The following ZNF189 variants were observed in gnomAD, a reference collection of about 807,000 sequenced individuals.
ZNF189 encodes zinc finger protein 189.
Under a neutral mutation model 53.5 loss-of-function variants are expected in ZNF189, and 33 were observed. The ratio of observed to expected loss-of-function variants is 0.62; its 90% CI spans 0.47 to 0.82. The LOEUF (loss-of-function observed/expected upper bound fraction) is 0.82. Among genes scored for constraint, ZNF189 ranks in the 40% least tolerant of loss-of-function variants. The pLI is 0.00. For synonymous variants in ZNF189, 247 were observed against 238.8 expected (o/e 1.03, Z -0.32); for missense variants, 711 against 753.9 (o/e 0.94, Z 0.67).
chr9:101,399,821 C>T, intron 1 of ZNF189, 63 bp from the exon 2 acceptor site: 1 of 1,609,190 alleles, frequency 6.2e-7, no homozygotes, highest in South Asian at 1.1e-5. Context: ...GCCTCTGTCA[C>T]TTTTAGTGGT....
intron 2 of ZNF189, among the ~76,000 whole-genome samples, chr9:101,403,982 A>C (rs1830625187): frequency 6.6e-6 from 1 of 152,186 alleles, no homozygotes; most frequent in African/African-American, 2.4e-5. Context: ...GATAGGTTAC[A>C]ATTCTAGCTA....
Position 101,399,090 on chromosome 9 carries a change from A to G in ZNF189, c.-67A>G. The G allele has an allele frequency of 1.9e-6, 2 of 1,076,934 alleles. No homozygotes were observed. The highest frequency in any genetic ancestry group is 2.9e-6 in the Non-Finnish European group (2 of 694,824). 66.7% of individuals were successfully genotyped at this position (1,076,934 alleles called of 1,614,324 possible). The stretch of plus-strand genomic sequence containing the variant: ...CGAGCCTAATTTCCAGCAGCCGGGT[A>G]GGCCTCACCAGAGGCTCCTTTCCGT... On this transcript the variant is annotated 5_prime_UTR_variant, in exon 1 of 3. Coordinates refer to ENST00000339664, the MANE Select transcript of ZNF189 (RefSeq NM_003452.4).
Position 101,399,036 on chromosome 9 carries a change from C to T in ZNF189, c.-121C>T. Reference sequence around the variant, plus strand: ...TCTGGGGGCCGAGGCAGGCACTGGCCAGACCCAGCCAGGGATCCTCGTATT... The same window carrying T: ...TCTGGGGGCCGAGGCAGGCACTGGCTAGACCCAGCCAGGGATCCTCGTATT... On this transcript the variant is annotated 5_prime_UTR_variant, in exon 1 of 3. Coordinates refer to ENST00000339664, the MANE Select transcript of ZNF189 (RefSeq NM_003452.4). 1 of 781,202 alleles carries T rather than the reference C, an allele frequency of 1.3e-6. No individual in the cohort carries two copies. The highest frequency in any genetic ancestry group is 2.3e-6 in the Non-Finnish European group (1 of 441,184). 48.4% of individuals were successfully genotyped at this position (781,202 alleles called of 1,614,324 possible).
chr9:101,406,219 C>T (rs1269445844), intron 2 of ZNF189, among the ~76,000 whole-genome samples: 4 of 151,818 alleles, frequency 2.6e-5, no homozygotes, highest in Non-Finnish European at 1.5e-5. Context: ...TAGAAAACCT[C>T]GGTGTTAAGA....
In ZNF189 at chr9:101,408,611, T is replaced by G; in HGVS notation, c.843T>G (p.Thr281=). 1 of 1,613,682 alleles carries G rather than the reference T, an allele frequency of 6.2e-7. No individual in the cohort carries two copies. The highest frequency in any genetic ancestry group is 8.5e-7 in the Non-Finnish European group (1 of 1,179,924). Residue 281 remains threonine (T), a synonymous_variant, in exon 3 of 3, where the codon ACT becomes ACG. Transcript: ENST00000339664. ...WKSHLIEHQR[T]HTGEKPYHCT... is the part of the protein sequence containing the mutation. ...CACACCTTATTGAGCATCAAAGAAC[T>G]CACACTGGTGAGAAACCTTATCACT... is the stretch of plus-strand genomic sequence containing the variant.
intron 1 of ZNF189, 26 bp from the exon 2 acceptor site, chr9:101,399,858 T>A (rs1339714793): frequency 3.1e-6 from 5 of 1,613,782 alleles, no homozygotes; most frequent in African/African-American, 1.3e-5. Flanking sequence ...CAACAGGAAC[T>A]GACTACAGAA....
intron 2 of ZNF189, among the ~76,000 whole-genome samples, chr9:101,402,412 G>A (rs765467994): frequency 3.3e-5 from 5 of 152,184 alleles, no homozygotes; most frequent in Admixed American, 6.5e-5. Flanking sequence ...ATTAATGTAT[G>A]TAAAACACTT....
At chr9:101,399,680 GA>G in intron 1 of ZNF189, 1 of 1,246,492 alleles carries the variant, frequency 8.0e-7, no homozygotes, top group East Asian at 2.7e-5. Flanking sequence ...TAATAAATCA[GA>G]AAAGCCTTAT....
Position 101,409,641 on chromosome 9 carries a change from A to T in ZNF189, c.1873A>T (p.Met625Leu), listed in dbSNP as rs1003639996. 1 of 1,605,126 alleles carries T rather than the reference A, an allele frequency of 6.2e-7. No homozygotes were observed. ...IQHQKLHTAW[M>L]Q is the part of the protein sequence containing the mutation. ...GCATCAGAAATTGCACACAGCATGG[A>T]TGCAATAAATGTAGAGCAATACATA... The change falls in exon 3 of 3, where the codon ATG becomes TTG. Residue 625 changes from methionine (M) to leucine (L), a missense_variant. Met to Leu is a conservative substitution (Grantham distance 15). Coordinates refer to ENST00000339664, the MANE Select transcript of ZNF189 (RefSeq NM_003452.4).
Position 101,399,979 on chromosome 9 carries a change from G to A in ZNF189, c.129G>A (p.Met43Ile), listed in dbSNP as rs770167996. ...PAQRSLYKDV[M>I]MENYGNLVSL... ...AGAGAAGCCTGTATAAAGATGTCAT[G>A]ATGGAGAATTATGGAAACCTGGTCT... Residue 43 changes from methionine to isoleucine, a missense_variant, in exon 2 of 3, where the codon ATG becomes ATA. Met to Ile is a conservative substitution (Grantham distance 10). Transcript: ENST00000339664. The A allele has an allele frequency of 3.1e-6, 5 of 1,614,018 alleles. No homozygotes were observed. Among genetic ancestry groups the A allele is most frequent in the Non-Finnish European group, 4.2e-6 (5 of 1,180,024 alleles).
intron 2 of ZNF189, among the ~76,000 whole-genome samples, chr9:101,400,539 CCTT>C (rs913773470): frequency 3.3e-5 from 5 of 152,218 alleles, no homozygotes; most frequent in African/African-American, 7.2e-5. Context: ...CAAAATCTCT[CCTT>C]CTTTGAGGTC....
At chr9:101,399,472 G>A in intron 1 of ZNF189, 1 of 1,309,796 alleles carries the variant, frequency 7.6e-7, no homozygotes, top group South Asian at 1.9e-5. Context: ...TCCAGGTGAA[G>A]CACCATTTTT....
intron 1 of ZNF189, 127 bp from the exon 2 acceptor site, chr9:101,399,757 T>G: frequency 1.4e-6 from 2 of 1,460,290 alleles, no homozygotes; most frequent in Admixed American, 4.1e-5. Flanking sequence ...GGGCAACATA[T>G]GGAACTTTCA....
intron 2 of ZNF189, chr9:101,407,272 G>C (rs766038193): frequency 5.1e-6 from 2 of 396,018 alleles, no homozygotes; most frequent in Non-Finnish European, 8.9e-6. Context: ...AATCCTGGCT[G>C]ATTACAATGT....
At chr9:101,407,881 G>A (rs1830771122) in intron 2 of ZNF189, 48 bp from the exon 3 acceptor site, 1 of 1,440,430 alleles carries the variant, frequency 6.9e-7, no homozygotes, top group Admixed American at 3.0e-5. Context: ...GTTTCTCCTT[G>A]CTTCAAAGAC....
chr9:101,402,716 G>A (rs1588156032), intron 2 of ZNF189, among the ~76,000 whole-genome samples: 1 of 152,134 alleles, frequency 6.6e-6, no homozygotes, highest in Non-Finnish European at 1.5e-5. Context: ...TGTGAGGATG[G>A]TAGATATACC....
Position 101,399,066 on chromosome 9 carries a change from G to C in ZNF189, c.-91G>C. On this transcript the variant is annotated 5_prime_UTR_variant, in exon 1 of 3. Coordinates refer to ENST00000339664, the MANE Select transcript of ZNF189 (RefSeq NM_003452.4). Reference sequence around the variant, plus strand: ...CCAGCCAGGGATCCTCGTATTCGTCGAGCCTAATTTCCAGCAGCCGGGTAG... The same window carrying C: ...CCAGCCAGGGATCCTCGTATTCGTCCAGCCTAATTTCCAGCAGCCGGGTAG... 1.1e-6 allele frequency: 1 copy of C among 918,280 alleles called. No individual in the cohort carries two copies. The highest frequency in any genetic ancestry group is 1.8e-6 in the Non-Finnish European group (1 of 558,924). 56.9% of individuals were successfully genotyped at this position (918,280 alleles called of 1,614,324 possible). A position where few individuals can be genotyped will look rare whatever the true frequency, so the allele number is the denominator to read the frequency against.
chr9:101,409,338 C>G lies in ZNF189; in HGVS notation c.1570C>G (p.Leu524Val). ...CRQCGKSFSQ[L>V]CNLIRHQGVH... ...ACAGTGTGGAAAAAGCTTTAGTCAGCTTTGTAATCTTATTCGACATCAGGG... is the reference window on the plus strand; with the variant it reads ...ACAGTGTGGAAAAAGCTTTAGTCAGGTTTGTAATCTTATTCGACATCAGGG... The change falls in exon 3 of 3, where the codon CTT (leucine) becomes GTT (valine). Residue 524 changes from leucine (L) to valine (V), a missense_variant. Physicochemically the swap from Leu to Val is conservative, Grantham distance 32 (BLOSUM62 1). Coordinates refer to ENST00000339664, the MANE Select transcript of ZNF189 (RefSeq NM_003452.4). 6.2e-7 allele frequency: 1 copy of G among 1,614,110 alleles called. No individual in the cohort carries two copies. Among genetic ancestry groups the G allele is most frequent in the Non-Finnish European group, 8.5e-7 (1 of 1,180,036 alleles).
chr9:101,409,712 G>T lies in ZNF189; in HGVS notation c.*63G>T. On this transcript the variant is annotated 3_prime_UTR_variant, in exon 3 of 3. Coordinates refer to ENST00000339664, the MANE Select transcript of ZNF189 (RefSeq NM_003452.4). Reference sequence around the variant, plus strand: ...TAGTACCCAAGTGCAGTTTTAGTATGGCTCAACATGGGTCAGATTTAGTGA... The same window carrying T: ...TAGTACCCAAGTGCAGTTTTAGTATTGCTCAACATGGGTCAGATTTAGTGA... The T allele has an allele frequency of 6.6e-7, 1 of 1,506,048 alleles. No homozygotes were observed. The highest frequency in any genetic ancestry group is 8.8e-7 in the Non-Finnish European group (1 of 1,131,938). 93.3% of individuals were successfully genotyped at this position (1,506,048 alleles called of 1,614,324 possible).
Sources: gnomAD v4.1 joint callset for allele counts (sites outside exome capture counted in the v4.1 genomes callset) on GRCh38, gnomAD v4.1.1 for gene constraint, MANE v1.5 for transcripts, NCBI Gene and HGNC (gene_info 2026-07-23, HGNC 2026-07-21) for gene names.